Variants in SHANK2 observed in about 807,000 individuals in gnomAD.
SHANK2 encodes the protein SH3 and multiple ankyrin repeat domains 2.
Under a neutral mutation model 133.7 loss-of-function variants are expected in SHANK2, and 43 were observed. The observed-to-expected ratio is 0.32, with a 90% CI of 0.25 to 0.41. The LOEUF is 0.41. Among genes scored for constraint, SHANK2 ranks in the 10% least tolerant of loss-of-function variants. The pLI, the probability that SHANK2 is intolerant of heterozygous loss-of-function variation, is 1.00. For missense variants in SHANK2, 1,994 were observed against 2,235.8 expected, an observed-to-expected ratio of 0.89 and a Z score of 2.18; for synonymous variants, 1,017 against 952.8, an observed-to-expected ratio of 1.07 and a Z score of -1.24.
At chr11:70,828,457 C>T (rs1044192555) in intron 11 of SHANK2, among the ~76,000 whole-genome samples, 4 of 152,252 alleles carry the variant, frequency 2.6e-5, no homozygotes, top group African/African-American at 4.8e-5. Flanking sequence ...CATTAAGAAA[C>T]GGTTCTGAGG....
At chr11:70,553,836 G>T (rs1554978841) in intron 17 of SHANK2, among the ~76,000 whole-genome samples, 2 of 152,216 alleles carry the variant, frequency 1.3e-5, no homozygotes, top group Non-Finnish European at 2.9e-5. Context: ...CCCCCTCAGT[G>T]AATAAGAGCC....
chr11:70,739,270 TCCCATCTCCA>T lies in SHANK2; in HGVS notation c.1778-40517_1778-40508del, dbSNP rs1259965131. Among the ~76,000 whole-genome samples the T allele has an allele frequency of 6.6e-6, 1 of 152,088 alleles. No homozygotes were observed. The highest frequency in any genetic ancestry group is 2.4e-5 in the African/African-American group (1 of 41,394). ...AGCCCAGACGCAGACCCGGGGCATC[TCCCATCTCCA>T]CCCATCTCCACTCATCTCCACCCAT... is the stretch of plus-strand genomic sequence containing the variant. On this transcript the variant is annotated intron_variant, in intron 14 of 25. Transcript: ENST00000601538. This position sits in a 1 kb window ranked among gnomAD's most constrained non-coding sequence, Gnocchi z 4.3.
At chr11:70,588,840 T>C (rs1029371612) in intron 17 of SHANK2, among the ~76,000 whole-genome samples, 3 of 152,154 alleles carry the variant, frequency 2.0e-5, no homozygotes, top group African/African-American at 4.8e-5. Context: ...TTTTTTGAGA[T>C]GGAGTCGCGC....
rs573008526 is a variant in SHANK2 at position 70,610,422 on chromosome 11, G to A, written c.2061+49406C>T. Reference sequence around the variant, plus strand: ...GACCTGCTCCTGCCACTGATGCCAAGGCCAGGAGGTCTGTCAGTCAGGGTG... The same window carrying A: ...GACCTGCTCCTGCCACTGATGCCAAAGCCAGGAGGTCTGTCAGTCAGGGTG... On this transcript the variant is annotated intron_variant, in intron 17 of 25. Transcript: ENST00000601538. Among the ~76,000 whole-genome samples, 8 of 152,210 alleles carry A rather than the reference G, an allele frequency of 5.3e-5. No homozygotes were observed. The East Asian group carries it at 1.5e-3, about 29-fold the overall frequency.
intron 11 of SHANK2, among the ~76,000 whole-genome samples, chr11:70,892,088 A>C (rs1949854176): frequency 6.6e-6 from 1 of 152,118 alleles, no homozygotes; most frequent in South Asian, 2.1e-4. Context: ...TGAGCTACAA[A>C]GGCTTCCCTC....
chr11:70,518,370 A>T (rs2059291127), intron 17 of SHANK2, among the ~76,000 whole-genome samples: 1 of 152,236 alleles, frequency 6.6e-6, no homozygotes, highest in African/African-American at 2.4e-5. Flanking sequence ...CAAACAAAAC[A>T]AAAACCAAAA....
intron 17 of SHANK2, among the ~76,000 whole-genome samples, chr11:70,524,785 G>T (rs183585973): frequency 6.6e-6 from 1 of 152,360 alleles, no homozygotes; most frequent in East Asian, 1.9e-4. Context: ...TTCAGTGAGG[G>T]TTCTGCGTCC....
intron 17 of SHANK2, among the ~76,000 whole-genome samples, chr11:70,577,209 GTGACTCAGAGC>G (rs1410557177): frequency 6.6e-6 from 1 of 152,228 alleles, no homozygotes; most frequent in Non-Finnish European, 1.5e-5. Flanking sequence ...GGAAGGAAGA[GTGACTCAGAGC>G]TGCATTTTTC....
At chr11:71,241,402 C>T (rs1017052054) in intron 1 of SHANK2, among the ~76,000 whole-genome samples, 2 of 152,176 alleles carry the variant, frequency 1.3e-5, no homozygotes, top group Non-Finnish European at 2.9e-5. Flanking sequence ...AGCCCCGCTT[C>T]CCCTGCCCCA....
chr11:70,786,180 AC>A (rs1947650345), intron 14 of SHANK2, among the ~76,000 whole-genome samples: 1 of 152,118 alleles, frequency 6.6e-6, no homozygotes, highest in Admixed American at 6.5e-5. Flanking sequence ...TGGAATTATG[AC>A]CTTTGCACCT....
intron 17 of SHANK2, among the ~76,000 whole-genome samples, chr11:70,579,029 AG>A (rs1421683186): frequency 6.6e-6 from 1 of 152,174 alleles, no homozygotes; most frequent in Non-Finnish European, 1.5e-5. Flanking sequence ...CTGAACACAG[AG>A]GAGCATGAAT....
intron 1 of SHANK2, among the ~76,000 whole-genome samples, chr11:71,229,765 G>GAAAA (rs55730780): frequency 1.6e-4 from 19 of 116,516 alleles, no homozygotes; most frequent in African/African-American, 2.7e-4. Flanking sequence ...TCTCAAAAAA[G>GAAAA]AAAAAAAAAA....
At chr11:70,626,963 C>T (rs2060913486) in intron 17 of SHANK2, among the ~76,000 whole-genome samples, 1 of 152,192 alleles carries the variant, frequency 6.6e-6, no homozygotes, top group South Asian at 2.1e-4. Context: ...ATCTCATTTC[C>T]TGGGCACCCA....
intron 11 of SHANK2, among the ~76,000 whole-genome samples, chr11:70,836,997 C>T (rs1948828951): frequency 6.6e-6 from 1 of 152,178 alleles, no homozygotes; most frequent in African/African-American, 2.4e-5. Context: ...GTCTCTCCAC[C>T]ATGGGAGGGC....
chr11:70,611,320 G>T (rs2060654189), intron 17 of SHANK2, among the ~76,000 whole-genome samples: 1 of 152,224 alleles, frequency 6.6e-6, no homozygotes, highest in Admixed American at 6.5e-5. Context: ...TGTTCTCTGT[G>T]GGGATGGTGA....
chr11:71,165,827 G>C (rs1407827545), intron 2 of SHANK2, among the ~76,000 whole-genome samples: 11 of 152,070 alleles, frequency 7.2e-5, no homozygotes, highest in Admixed American at 3.9e-4. Context: ...CTCCCTCCTG[G>C]AACGCTTCCC....
intron 13 of SHANK2, among the ~76,000 whole-genome samples, 155 bp from the exon 14 acceptor site, chr11:70,798,711 G>A (rs1260915508): frequency 1.3e-5 from 2 of 152,246 alleles, no homozygotes; most frequent in African/African-American, 2.4e-5. Flanking sequence ...ACTTCCTTCA[G>A]CTGCTGACAG....
intron 17 of SHANK2, among the ~76,000 whole-genome samples, chr11:70,625,597 C>A (rs901962348): frequency 3.9e-5 from 6 of 151,936 alleles, no homozygotes; most frequent in Non-Finnish European, 7.4e-5. Flanking sequence ...ACCCAGACCT[C>A]CCTCCCTCCA....
chr11:71,224,200 T>C (rs1555121806), intron 2 of SHANK2, among the ~76,000 whole-genome samples: 1 of 152,126 alleles, frequency 6.6e-6, no homozygotes, highest in Non-Finnish European at 1.5e-5. Context: ...TTTAAGCACA[T>C]TACAGGTGAG....
Sources: gnomAD v4.1 joint callset for allele counts (sites outside exome capture counted in the v4.1 genomes callset) on GRCh38, gnomAD v4.1.1 for gene constraint, Gnocchi (gnomAD v3.1) non-coding constraint, MANE v1.5 for transcripts, NCBI Gene and HGNC (gene_info 2026-07-23, HGNC 2026-07-21) for gene names.